ZNF549: variants seen among roughly 807,000 people sequenced by gnomAD.
The protein encoded by ZNF549 is zinc finger protein 549.
Under a neutral mutation model 11.1 loss-of-function variants are expected in ZNF549, and 11 were observed. That is an observed-to-expected ratio of 0.99 (90% CI 0.62 to 1.64). The LOEUF is 1.64. Ranked by LOEUF, ZNF549 falls within the 40% of genes most tolerant of loss-of-function variation. ZNF549 has a pLI of 0.00. For synonymous variants in ZNF549, 266 were observed against 269.1 expected, an observed-to-expected ratio of 0.99 and a Z score of 0.11; for missense variants, 748 against 765.1, an observed-to-expected ratio of 0.98 and a Z score of 0.26.
At chr19:57,527,854 A>T (rs2089885740) in intron 1 of ZNF549, among the ~76,000 whole-genome samples, 2 of 152,178 alleles carry the variant, frequency 1.3e-5, no homozygotes, top group Admixed American at 6.5e-5. Flanking sequence ...CTGTGTCTGC[A>T]GGGAGCAGAG....
rs1476803244 is a variant in ZNF549, at chr19:57,527,403, G to T, written c.-171G>T. 1.1e-5 allele frequency: 10 copies of T among 931,378 alleles called. No homozygotes were observed. The highest frequency in any genetic ancestry group is 2.7e-5 in the East Asian group (1 of 37,440). 57.7% of individuals were successfully genotyped at this position (931,378 alleles called of 1,614,324 possible). On this transcript the variant is annotated 5_prime_UTR_variant, in exon 1 of 4. Coordinates refer to ENST00000376233, the MANE Select transcript of ZNF549 (RefSeq NM_001199295.2). ...TCCGCGGGCTGGGCGTTTCCGGCTC[G>T]CTGGGTCCGGGCCAGGTAACTGGAG...
chr19:57,535,542 T>G (rs1384054920), intron 3 of ZNF549, among the ~76,000 whole-genome samples: 1 of 152,160 alleles, frequency 6.6e-6, no homozygotes, highest in East Asian at 1.9e-4. Context: ...CTTGCTAAGG[T>G]GACTGTTCAG....
In ZNF549 at chr19:57,527,473, T is replaced by C; in HGVS notation, c.-101T>C. The C allele has an allele frequency of 1.3e-6, 2 of 1,524,322 alleles. No individual in the cohort carries two copies. The highest frequency in any genetic ancestry group is 2.4e-5 in the East Asian group (1 of 42,518). The allele number at this position is 1,524,322 out of a possible 1,614,324, so 94.4% of individuals were successfully genotyped here. ...GTGTCCGCCCGCAGAGGAGCTTGCC[T>C]GGTCTCGGTCTGAGCGTCGCCCAGC... On this transcript the variant is annotated 5_prime_UTR_variant, in exon 1 of 4. Coordinates refer to ENST00000376233, the MANE Select transcript of ZNF549 (RefSeq NM_001199295.2).
rs1376616426 is a variant in ZNF549, at chr19:57,540,276, T to C, written c.*1349T>C. On this transcript the variant is annotated 3_prime_UTR_variant, in exon 4 of 4. Coordinates refer to ENST00000376233, the MANE Select transcript of ZNF549 (RefSeq NM_001199295.2). ...TTAATAATAAGTAAATCTTGTGTTA[T>C]CCTATAGTCTGGTTTTCCAAAAGGA... 1 of 152,262 alleles carries C rather than the reference T, an allele frequency of 6.6e-6. No individual in the cohort carries two copies. Among genetic ancestry groups the C allele is most frequent in the Non-Finnish European group, 1.5e-5 (1 of 68,042 alleles). The allele number at this position is 152,262 out of a possible 1,614,324, so 9.4% of individuals were successfully genotyped here. A position where few individuals can be genotyped will look rare whatever the true frequency, so the allele number is the denominator to read the frequency against.
At chr19:57,534,679 C>T (rs114280019) in intron 2 of ZNF549, among the ~76,000 whole-genome samples, 2,022 of 152,260 alleles carry the variant, frequency 0.013, 50 homozygotes, top group African/African-American at 0.046. Context: ...AGTCCTGAGA[C>T]TGCCTCTGAC....
chr19:57,532,664 G>C (rs1481482036), intron 2 of ZNF549, among the ~76,000 whole-genome samples: 1 of 152,200 alleles, frequency 6.6e-6, no homozygotes, highest in African/African-American at 2.4e-5. Flanking sequence ...GGTCTGTCTT[G>C]TTGAATATTC....
chr19:57,531,222 C>T (rs747953355), intron 2 of ZNF549, 114 bp downstream of exon 2: 490 of 1,104,406 alleles, frequency 4.4e-4, no homozygotes, highest in Non-Finnish European at 6.0e-4. Context: ...CATCTTGGGT[C>T]CCTGGGGCCA....
Position 57,537,764 on chromosome 19 carries a change from A to G in ZNF549, c.760A>G (p.Lys254Glu), listed in dbSNP as rs750993544. Residue 254 changes from lysine to glutamate, a missense_variant, in exon 4 of 4, where the codon AAA becomes GAA. Physicochemically the swap from Lys to Glu is moderately conservative, Grantham distance 56. Coordinates refer to ENST00000376233, the MANE Select transcript of ZNF549 (RefSeq NM_001199295.2). ...AGCTTATAAGCGTAGGGAATATGGG[A>G]AATCCTTGAACTCTAAATACTTATT... ...EKAYKRREYG[K>E]SLNSKYLFVE... 37 of 1,614,204 alleles carry G rather than the reference A, an allele frequency of 2.3e-5. No homozygotes were observed. In the South Asian group the frequency reaches 3.8e-4, roughly 17 times the overall value.
intron 3 of ZNF549, chr19:57,535,516 C>T: frequency 2.1e-6 from 1 of 468,432 alleles, no homozygotes; most frequent in Non-Finnish European, 3.8e-6. Context: ...ACCGACACCA[C>T]TTGGTTTTGC....
intron 2 of ZNF549, among the ~76,000 whole-genome samples, chr19:57,532,280 T>C (rs2089907453): frequency 6.6e-6 from 1 of 152,162 alleles, no homozygotes; most frequent in Non-Finnish European, 1.5e-5. Flanking sequence ...GTCTCTAGGA[T>C]CATTCCAACA....
Position 57,538,817 on chromosome 19 carries a change from C to G in ZNF549, c.1813C>G (p.Arg605Gly), listed in dbSNP as rs766486176. The change falls in exon 4 of 4, where the codon CGA becomes GGA. Residue 605 changes from arginine to glycine, a missense_variant. By Grantham distance (125) the Arg-to-Gly change is moderately radical (BLOSUM62 -2). Transcript: ENST00000376233. The part of the protein sequence containing the change: ...IYKNKLVEHQ[R>G]IHTGEKPYEC... ...TAAAAACAAACTTGTTGAGCATCAG[C>G]GAATCCACACCGGAGAAAAGCCGTA... 8 of 1,613,650 alleles carry G rather than the reference C, an allele frequency of 5.0e-6. No individual in the cohort carries two copies. The highest frequency in any genetic ancestry group is 4.2e-6 in the Non-Finnish European group (5 of 1,179,952).
chr19:57,533,548 A>G (rs1023851946), intron 2 of ZNF549, among the ~76,000 whole-genome samples: 3 of 151,992 alleles, frequency 2.0e-5, no homozygotes, highest in African/African-American at 7.3e-5. Context: ...AGTATTCACC[A>G]TGAGAACTTG....
chr19:57,539,805 G>T lies in ZNF549; in HGVS notation c.*878G>T, dbSNP rs1201130710. On this transcript the variant is annotated 3_prime_UTR_variant, in exon 4 of 4. Transcript: ENST00000376233. ...TGAATTGGTAGGTAGGTCACTGGTT[G>T]TAAGACCTACTGGGGCCAGGTAAGA... is the stretch of plus-strand genomic sequence containing the variant. 1.3e-5 allele frequency: 2 copies of T among 152,196 alleles called. No homozygotes were observed. The highest frequency in any genetic ancestry group is 2.9e-5 in the Non-Finnish European group (2 of 68,040). 9.4% of individuals were successfully genotyped at this position (152,196 alleles called of 1,614,324 possible). A position where few individuals can be genotyped will look rare whatever the true frequency, so the allele number is the denominator to read the frequency against.
rs927222977 is a variant in ZNF549, at chr19:57,540,599, A to G, written c.*1672A>G. 9.9e-5 allele frequency: 15 copies of G among 152,132 alleles called. No individual in the cohort carries two copies. The highest frequency in any genetic ancestry group is 3.4e-4 in the African/African-American group (14 of 41,420). 9.4% of individuals were successfully genotyped at this position (152,132 alleles called of 1,614,324 possible). A position where few individuals can be genotyped will look rare whatever the true frequency, so the allele number is the denominator to read the frequency against. Reference sequence around the variant, plus strand: ...ACATGGTGAAATCCAGTCTCTACTTAAAATACAAAAATTAGCCAGGCGTGG... The same window carrying G: ...ACATGGTGAAATCCAGTCTCTACTTGAAATACAAAAATTAGCCAGGCGTGG... On this transcript the variant is annotated 3_prime_UTR_variant, in exon 4 of 4. Coordinates refer to ENST00000376233, the MANE Select transcript of ZNF549 (RefSeq NM_001199295.2).
chr19:57,537,390 AG>A lies in ZNF549; in HGVS notation c.387del (p.Lys130AsnfsTer41). On this transcript the variant is annotated frameshift_variant, in exon 4 of 4. Transcript: ENST00000376233. LOFTEE classifies it low-confidence loss of function (END_TRUNC). ...LSEHQGTLPW[Q>X]KPYTSVASGK... ...GAGCATCAGGGGACACTTCCCTGGC[AG>A]AAACCTTATACGTCTGTGGCCAGTG... 1 of 1,614,238 alleles carries A rather than the reference AG, an allele frequency of 6.2e-7. No individual in the cohort carries two copies. Among genetic ancestry groups the A allele is most frequent in the Non-Finnish European group, 8.5e-7 (1 of 1,180,042 alleles).
At position 57,527,541 on chromosome 19, in the gene ZNF549, C is replaced by T. The variant is rs190249832; in HGVS notation, c.-33C>T. 815 of 1,612,820 alleles carry T rather than the reference C, an allele frequency of 5.1e-4. 3 individuals carry two copies. The highest frequency in any genetic ancestry group is 4.1e-3 in the African/African-American group (311 of 75,026). Reference sequence around the variant, plus strand: ...ACGCCGGATCCCGGGCTTTACCGCCCGCCTTTCCAGGCCCCGCCCCGCCTA... The same window carrying T: ...ACGCCGGATCCCGGGCTTTACCGCCTGCCTTTCCAGGCCCCGCCCCGCCTA... On this transcript the variant is annotated 5_prime_UTR_variant, in exon 1 of 4. Transcript: ENST00000376233.
chr19:57,530,369 A>C (rs2089899143), intron 1 of ZNF549, among the ~76,000 whole-genome samples: 1 of 152,204 alleles, frequency 6.6e-6, no homozygotes, highest in Admixed American at 6.5e-5. Context: ...CTCTCCCAGT[A>C]CCTTGCCATA....
rs1285549552 is a variant in ZNF549, at chr19:57,540,344, C to T, written c.*1417C>T. The T allele has an allele frequency of 1.3e-5, 2 of 152,324 alleles. No homozygotes were observed. The highest frequency in any genetic ancestry group is 3.9e-4 in the East Asian group (2 of 5,188). 9.4% of individuals were successfully genotyped at this position (152,324 alleles called of 1,614,324 possible). A position where few individuals can be genotyped will look rare whatever the true frequency, so the allele number is the denominator to read the frequency against. The stretch of plus-strand genomic sequence containing the variant: ...TTGTGTGGAACCATTTATCTTAAAA[C>T]ATTGAGGTGCAGTTTTCATACACAA... On this transcript the variant is annotated 3_prime_UTR_variant, in exon 4 of 4. Transcript: ENST00000376233.
At chr19:57,532,536 C>G (rs1232032881) in intron 2 of ZNF549, among the ~76,000 whole-genome samples, 1 of 152,134 alleles carries the variant, frequency 6.6e-6, no homozygotes, top group Non-Finnish European at 1.5e-5. Context: ...GTGACAGGGA[C>G]CAGTCTTAGC....
Sources: allele counts gnomAD v4.1 joint callset (sites outside exome capture counted in the v4.1 genomes callset), GRCh38; gene constraint gnomAD v4.1.1; transcripts MANE v1.5; gene names NCBI Gene and HGNC (gene_info 2026-07-23, HGNC 2026-07-21).